Variants in MTTP observed in about 807,000 individuals in gnomAD.
The protein encoded by MTTP is microsomal triglyceride transfer protein.
In MTTP, 49 loss-of-function variants were observed where a neutral mutation model predicts 90.6. That is an observed-to-expected ratio of 0.54 (90% CI 0.43 to 0.69). MTTP has a LOEUF of 0.69. Ranked by LOEUF, MTTP falls within the 30% of genes least tolerant of loss-of-function variation. The pLI, the probability that MTTP is intolerant of heterozygous loss-of-function variation, is 0.00. For missense variants in MTTP, 945 were observed against 1,067.5 expected (o/e 0.89, Z 1.60); for synonymous variants, 347 against 384.2 (o/e 0.90, Z 1.13).
rs767162951 is a variant in MTTP at position 99,608,989 on chromosome 4, T to G, written c.1769+12T>G. The G allele has an allele frequency of 8.1e-6, 13 of 1,603,658 alleles. 1 individual carries two copies. The East Asian group carries it at 2.9e-4, about 36-fold the overall frequency. On this transcript the variant is annotated intron_variant, in intron 12 of 17. Transcript: ENST00000265517. ...GAAATGCCTGCAAGGTATAATACAT[T>G]GCACATGTCTCTCTGTGTATTCAAG...
chr4:99,586,203 C>CT, intron 3 of MTTP, among the ~76,000 whole-genome samples: 1 of 152,206 alleles, frequency 6.6e-6, no homozygotes, highest in South Asian at 2.1e-4. Flanking sequence ...TGCACATCTT[C>CT]TTTTTTCCAT....
upstream of MTTP, chr4:99,574,627 C>A: frequency 1.7e-6 from 1 of 578,582 alleles, no homozygotes. Context: ...TTTGGTTTAG[C>A]TCTCAAAAGT....
At chr4:99,566,749 C>A (rs1363919327) in intron 1 of MTTP, among the ~76,000 whole-genome samples, 3 of 152,054 alleles carry the variant, frequency 2.0e-5, no homozygotes, top group Non-Finnish European at 4.4e-5. Context: ...AGTTGGCAAC[C>A]AGTTTGTTAA....
At chr4:99,611,050 T>A (rs1274671781) in intron 12 of MTTP, 93 bp from the exon 13 acceptor site, 66 of 1,428,356 alleles carry the variant, frequency 4.6e-5, no homozygotes, top group Non-Finnish European at 6.4e-5. Context: ...TGGCTTCCTC[T>A]TTTTTCCACT....
intron 17 of MTTP, 85 bp downstream of exon 17, chr4:99,621,316 A>G (rs1726226295): frequency 4.0e-6 from 6 of 1,500,180 alleles, no homozygotes; most frequent in South Asian, 1.1e-5. Flanking sequence ...TCAGTTTCAG[A>G]ATTAAAACAA....
intron 17 of MTTP, among the ~76,000 whole-genome samples, chr4:99,622,423 T>G (rs1192172128): frequency 2.6e-5 from 4 of 152,214 alleles, no homozygotes; most frequent in African/African-American, 9.6e-5. Flanking sequence ...ACCAAAAAGC[T>G]GAAATGAATT....
intron 8 of MTTP, among the ~76,000 whole-genome samples, chr4:99,598,778 C>T (rs1002986942): frequency 6.6e-6 from 1 of 150,760 alleles, no homozygotes. Context: ...ATTATCCTGC[C>T]TCAGCCTCCC....
chr4:99,618,933 C>G (rs775988949), intron 15 of MTTP, 41 bp from the exon 16 acceptor site: 1 of 1,601,908 alleles, frequency 6.2e-7, no homozygotes, highest in South Asian at 1.1e-5. Context: ...CTAAATTGTA[C>G]TTATTATTTT....
chr4:99,574,764 G>C (rs1468681629), upstream of MTTP: 2 of 1,564,502 alleles, frequency 1.3e-6, no homozygotes, highest in African/African-American at 2.7e-5. Context: ...TGATTTTGGA[G>C]TTTGGAGTCT....
chr4:99,623,100 A>T lies in MTTP; in HGVS notation c.*252A>T. 1.9e-6 allele frequency: 1 copy of T among 514,198 alleles called. No individual in the cohort carries two copies. Among genetic ancestry groups the T allele is most frequent in the South Asian group, 2.1e-5 (1 of 48,558 alleles). The allele number at this position is 514,198 out of a possible 1,614,324, so 31.9% of individuals were successfully genotyped here. A position where few individuals can be genotyped will look rare whatever the true frequency, so the allele number is the denominator to read the frequency against. On this transcript the variant is annotated 3_prime_UTR_variant, in exon 18 of 18. Coordinates refer to ENST00000265517, the MANE Select transcript of MTTP (RefSeq NM_001386140.1). ...TTTACTTATACCTCTCTCAAATCTCATTTGGTACAGTCAGAATAGTTATTC... is the reference window on the plus strand; with the variant it reads ...TTTACTTATACCTCTCTCAAATCTCTTTTGGTACAGTCAGAATAGTTATTC...
intron 1 of MTTP, among the ~76,000 whole-genome samples, chr4:99,565,189 A>T (rs927607922): frequency 2.6e-5 from 4 of 152,198 alleles, no homozygotes; most frequent in African/African-American, 9.7e-5. Flanking sequence ...GATGTGCCAA[A>T]TCTTTCCACA....
rs1177039697 is a variant in MTTP, at chr4:99,583,387, A to G, written c.263A>G (p.Asn88Ser). 9 of 1,613,170 alleles carry G rather than the reference A, an allele frequency of 5.6e-6. No homozygotes were observed. Among genetic ancestry groups the G allele is most frequent in the East Asian group, 4.5e-5 (2 of 44,832 alleles). The change falls in exon 3 of 18, where the codon AAT (asparagine) becomes AGT (serine). Residue 88 changes from asparagine (N) to serine (S), a missense_variant. Coordinates refer to ENST00000265517, the MANE Select transcript of MTTP (RefSeq NM_001386140.1). ...QLIQITMKDV[N>S]VENVNQQRGE... ...CTGTTACTCCAGATGAAGGATGTAA[A>G]TGTTGAAAATGTGAATCAGCAGAGA...
At chr4:99,574,726 T>C (rs189548141), upstream of MTTP, 41 of 1,352,196 alleles carry the variant, frequency 3.0e-5, no homozygotes, top group East Asian at 1.0e-3. Flanking sequence ...TAATCATTAA[T>C]AGTGAGCCCT....
chr4:99,608,376 C>T (rs1048916265), intron 11 of MTTP, among the ~76,000 whole-genome samples: 4 of 152,098 alleles, frequency 2.6e-5, no homozygotes, highest in Admixed American at 6.6e-5. Context: ...ACCTGGGAAG[C>T]GGAGGTTGCA....
At chr4:99,577,917 C>A (rs907065883) in intron 1 of MTTP, among the ~76,000 whole-genome samples, 1 of 152,098 alleles carries the variant, frequency 6.6e-6, no homozygotes, top group African/African-American at 2.4e-5. Context: ...AATCCCTCAC[C>A]CCACCCTTAC....
At chr4:99,566,311 A>G (rs967454070) in intron 1 of MTTP, among the ~76,000 whole-genome samples, 1 of 151,704 alleles carries the variant, frequency 6.6e-6, no homozygotes, top group Non-Finnish European at 1.5e-5. Flanking sequence ...AAAAAAAAAA[A>G]AAAGAAAAAT....
At chr4:99,601,533 T>A (rs1366822881) in intron 9 of MTTP, 74 bp from the exon 10 acceptor site, 3 of 1,189,482 alleles carry the variant, frequency 2.5e-6, no homozygotes, top group Non-Finnish European at 3.8e-6. Flanking sequence ...TATGTGTTTA[T>A]TTTTTAACTA....
At chr4:99,580,127 A>G (rs1725069210) in intron 1 of MTTP, among the ~76,000 whole-genome samples, 1 of 151,610 alleles carries the variant, frequency 6.6e-6, no homozygotes, top group Non-Finnish European at 1.5e-5. Context: ...GAGCCTTAAA[A>G]AGTACTTACT....
intron 7 of MTTP, chr4:99,595,752 C>T (rs1397573682): frequency 6.8e-6 from 1 of 147,478 alleles, no homozygotes; most frequent in African/African-American, 2.6e-5. Flanking sequence ...TCTTCTTTTA[C>T]CTGTTTTTTT....
Sources: gnomAD v4.1 joint callset for allele counts (sites outside exome capture counted in the v4.1 genomes callset) on GRCh38, gnomAD v4.1.1 for gene constraint, MANE v1.5 for transcripts, NCBI Gene and HGNC (gene_info 2026-07-23, HGNC 2026-07-21) for gene names.